The following ALK variants were observed in gnomAD, a reference collection of about 807,000 sequenced individuals.
The protein encoded by ALK is ALK receptor tyrosine kinase.
Under a neutral mutation model 163.1 loss-of-function variants are expected in ALK, and 74 were observed. The observed-to-expected ratio is 0.45, with a 90% CI of 0.38 to 0.55. The LOEUF (loss-of-function observed/expected upper bound fraction) is 0.55. ALK is among the 20% of genes least tolerant of loss of function. The pLI is 0.00. For missense variants in ALK, 2,063 were observed against 2,105.3 expected (o/e 0.98, Z 0.39); for synonymous variants, 960 against 843.2 (o/e 1.14, Z -2.40).
chr2:29,841,423 T>C (rs1424130692), intron 1 of ALK, among the ~76,000 whole-genome samples: 3 of 152,244 alleles, frequency 2.0e-5, no homozygotes, highest in African/African-American at 7.2e-5. Context: ...ACTGCTTCTA[T>C]TGCATTCATG....
At chr2:29,519,051 C>A (rs1672745967) in intron 4 of ALK, among the ~76,000 whole-genome samples, 1 of 152,204 alleles carries the variant, frequency 6.6e-6, no homozygotes, top group Non-Finnish European at 1.5e-5. Context: ...ACAAGGTAAG[C>A]AGGTATTACT....
At chr2:29,269,456 A>C (rs1665320619) in intron 11 of ALK, among the ~76,000 whole-genome samples, 1 of 152,134 alleles carries the variant, frequency 6.6e-6, no homozygotes, top group Admixed American at 6.5e-5. Flanking sequence ...ATCATGAATC[A>C]CAAATTAGTT....
intron 3 of ALK, among the ~76,000 whole-genome samples, chr2:29,610,290 G>A (rs144953644): frequency 6.6e-6 from 1 of 152,302 alleles, no homozygotes; most frequent in African/African-American, 2.4e-5. Context: ...TGTTGGCTCA[G>A]TGGACAAATG....
chr2:29,721,975 G>A (rs574707269), intron 1 of ALK, among the ~76,000 whole-genome samples: 2 of 152,288 alleles, frequency 1.3e-5, no homozygotes, highest in South Asian at 2.1e-4. Flanking sequence ...CAAGGTCGCC[G>A]ACGACCCTAG....
chr2:29,397,098 C>T (rs1669329388), intron 4 of ALK, among the ~76,000 whole-genome samples: 1 of 151,982 alleles, frequency 6.6e-6, no homozygotes, highest in Non-Finnish European at 1.5e-5. Flanking sequence ...GTGACTCACT[C>T]AAAAAGGTAT....
At chr2:29,909,480 C>CAGACAGAGAGAGAG (rs1553378791) in intron 1 of ALK, among the ~76,000 whole-genome samples, 2 of 135,890 alleles carry the variant, frequency 1.5e-5, no homozygotes, top group East Asian at 2.3e-4. Context: ...GACAGACAGA[C>CAGACAGAGAGAGAG]AGAGAGAGAG....
At chr2:29,372,629 G>A (rs150226136) in intron 5 of ALK, among the ~76,000 whole-genome samples, 109 of 152,198 alleles carry the variant, frequency 7.2e-4, no homozygotes, top group Middle Eastern at 3.4e-3. Context: ...TCTTCATTTC[G>A]CACGTGAATT....
At chr2:29,337,249 A>T (rs1168471625) in intron 5 of ALK, among the ~76,000 whole-genome samples, 2 of 152,188 alleles carry the variant, frequency 1.3e-5, no homozygotes, top group African/African-American at 4.8e-5. Context: ...AAGAGCTGGC[A>T]TCTTGGGTTT....
At chr2:29,484,909 C>T (rs1671744240) in intron 4 of ALK, among the ~76,000 whole-genome samples, 1 of 152,092 alleles carries the variant, frequency 6.6e-6, no homozygotes, top group Admixed American at 6.5e-5. Context: ...GGTTGGATGT[C>T]TTTCTGATTA....
chr2:29,901,696 A>G (rs2148431187), intron 1 of ALK, among the ~76,000 whole-genome samples: 1 of 152,360 alleles, frequency 6.6e-6, no homozygotes, highest in East Asian at 1.9e-4. Context: ...ATTTCCTCCT[A>G]TAAATATAAA....
chr2:29,847,053 G>A (rs1333008269), intron 1 of ALK, among the ~76,000 whole-genome samples: 1 of 152,178 alleles, frequency 6.6e-6, no homozygotes, highest in Non-Finnish European at 1.5e-5. Flanking sequence ...AACGTGAAAG[G>A]AGGTCCAGGT....
At chr2:29,321,667 G>C (rs1016509296) in intron 6 of ALK, among the ~76,000 whole-genome samples, 1 of 152,196 alleles carries the variant, frequency 6.6e-6, no homozygotes, top group South Asian at 2.1e-4. Context: ...CTGCCAGCCT[G>C]GGTCCCTGAG....
Position 29,829,018 on chromosome 2 carries a change from G to A in ALK, c.667+90975C>T, listed in dbSNP as rs541160809. On this transcript the variant is annotated intron_variant, in intron 1 of 28. Transcript: ENST00000389048. ...TGATGAGTTCATGTCCTTTGTAGGG[G>A]CATGGATGAAGCTGGAAACCATCAT... Among the ~76,000 whole-genome samples, 5 of 151,150 alleles carry A rather than the reference G, an allele frequency of 3.3e-5. No individual in the cohort carries two copies. In the East Asian group the frequency reaches 5.9e-4, roughly 18 times the overall value.
At chr2:29,524,071 C>T (rs1049673028) in intron 4 of ALK, among the ~76,000 whole-genome samples, 2 of 152,012 alleles carry the variant, frequency 1.3e-5, no homozygotes, top group Non-Finnish European at 2.9e-5. Context: ...AAATACTTTT[C>T]ATCTTTTCAT....
At chr2:29,737,185 A>C (rs768500214) in intron 1 of ALK, among the ~76,000 whole-genome samples, 11 of 152,130 alleles carry the variant, frequency 7.2e-5, no homozygotes, top group Non-Finnish European at 1.0e-4. Context: ...AATGTTGTGA[A>C]AATATATAGG....
intron 4 of ALK, among the ~76,000 whole-genome samples, chr2:29,387,695 C>G (rs959332280): frequency 2.0e-5 from 3 of 152,152 alleles, no homozygotes; most frequent in African/African-American, 7.2e-5. Flanking sequence ...TATGAAAGCC[C>G]TGAAATCTCC....
At chr2:29,194,814 G>A (rs1410300751) in intron 28 of ALK, among the ~76,000 whole-genome samples, 2 of 152,054 alleles carry the variant, frequency 1.3e-5, no homozygotes, top group Non-Finnish European at 2.9e-5. Context: ...TAACTAGTCT[G>A]GATGTGAGGG....
chr2:29,530,551 G>A lies in ALK; in HGVS notation c.1154+1364C>T, dbSNP rs1032364526. Among the ~76,000 whole-genome samples, 5 of 152,254 alleles carry A rather than the reference G, an allele frequency of 3.3e-5. No individual in the cohort carries two copies. The East Asian group carries it at 9.6e-4, about 29-fold the overall frequency. ...CAGTCCTGGTAGGGAAGGAAGGAATGTTGAGAGTGATAAGTCAGAATATGC... is the reference window on the plus strand; with the variant it reads ...CAGTCCTGGTAGGGAAGGAAGGAATATTGAGAGTGATAAGTCAGAATATGC... On this transcript the variant is annotated intron_variant, in intron 4 of 28. Transcript: ENST00000389048.
intron 1 of ALK, among the ~76,000 whole-genome samples, chr2:29,857,043 A>G (rs142206813): frequency 6.6e-6 from 1 of 152,336 alleles, no homozygotes; most frequent in Non-Finnish European, 1.5e-5. Context: ...GCCTAAAGGC[A>G]GGAAACATCC....
Sources: gnomAD v4.1 joint callset for allele counts (sites outside exome capture counted in the v4.1 genomes callset) on GRCh38, gnomAD v4.1.1 for gene constraint, MANE v1.5 for transcripts, NCBI Gene and HGNC (gene_info 2026-07-23, HGNC 2026-07-21) for gene names.